RANBP2: variants seen among roughly 807,000 people sequenced by gnomAD.
RANBP2 encodes the protein RAN binding protein 2.
A neutral mutation model predicts 303.6 loss-of-function variants in RANBP2; 57 were observed. The observed-to-expected ratio is 0.19, with a 90% CI of 0.15 to 0.23. The LOEUF is 0.23. Ranked by LOEUF, RANBP2 falls within the 10% of genes least tolerant of loss-of-function variation. RANBP2 has a pLI of 1.00. For missense variants in RANBP2, 3,138 were observed against 3,780.8 expected, an observed-to-expected ratio of 0.83 and a Z score of 4.46; for synonymous variants, 1,167 against 1,301.5, an observed-to-expected ratio of 0.90 and a Z score of 2.23.
the RANBP2 span, among the ~76,000 whole-genome samples, chr2:109,550,357 G>A: frequency 1.1e-4 from 16 of 151,048 alleles, no homozygotes; most frequent in Non-Finnish European, 4.4e-5. Context: ...CTGTTGCCCA[G>A]GCTGGAGTGC....
chr2:108,970,256 T>C, the RANBP2 span, among the ~76,000 whole-genome samples: 9 of 152,094 alleles, frequency 5.9e-5, no homozygotes, highest in Admixed American at 2.6e-4. Context: ...GTGGTACGCA[T>C]TTGAGTTAAA....
the RANBP2 span, among the ~76,000 whole-genome samples, chr2:109,659,241 G>T: frequency 8.0e-4 from 122 of 152,058 alleles, no homozygotes; most frequent in African/African-American, 2.9e-3. Context: ...GCTGGGCGTG[G>T]TGGTGTGTGC....
intron 6 of RANBP2, among the ~76,000 whole-genome samples, chr2:108,740,044 G>A (rs1489755612): frequency 6.6e-6 from 1 of 151,982 alleles, no homozygotes; most frequent in Non-Finnish European, 1.5e-5. Flanking sequence ...AGTAAAAAGA[G>A]CAATTACTGT....
the RANBP2 span, among the ~76,000 whole-genome samples, chr2:109,079,558 C>A: frequency 6.6e-6 from 1 of 152,110 alleles, no homozygotes; most frequent in Non-Finnish European, 1.5e-5. Flanking sequence ...AAAAACAAAC[C>A]AATAAAAAGG....
chr2:109,375,236 G>A, the RANBP2 span, among the ~76,000 whole-genome samples: 1 of 152,170 alleles, frequency 6.6e-6, no homozygotes, highest in Non-Finnish European at 1.5e-5. Context: ...TTCTTCCCAT[G>A]GCTCCAGCCA....
chr2:109,614,334 A>C, the RANBP2 span: 1 of 666,882 alleles, frequency 1.5e-6, no homozygotes, highest in Non-Finnish European at 2.1e-6. Flanking sequence ...GGCGCGGCCC[A>C]GTGAGGCGGT....
chr2:109,250,468 G>T, the RANBP2 span, among the ~76,000 whole-genome samples: 1 of 151,716 alleles, frequency 6.6e-6, no homozygotes, highest in Non-Finnish European at 1.5e-5. Context: ...AACTTACCAG[G>T]TTTAAATATT....
the RANBP2 span, among the ~76,000 whole-genome samples, chr2:109,027,242 C>CAAA: frequency 1.2e-3 from 95 of 81,044 alleles, 1 homozygote; most frequent in South Asian, 3.5e-3. Context: ...GGCTCTGTCT[C>CAAA]AAAAAAAAAA....
Position 108,784,993 on chromosome 2 carries a change from T to C in RANBP2, c.*1092T>C, listed in dbSNP as rs938727961. The stretch of plus-strand genomic sequence containing the variant: ...TGCTAAAGAAAAGAGGATGTTCTTA[T>C]TGGCCTACTCAATATGGAACTACAA... On this transcript the variant is annotated 3_prime_UTR_variant, in exon 29 of 29. Transcript: ENST00000283195. 4 of 152,220 alleles carry C rather than the reference T, an allele frequency of 2.6e-5. No homozygotes were observed. Among genetic ancestry groups the C allele is most frequent in the African/African-American group, 7.2e-5 (3 of 41,460 alleles). The allele number at this position is 152,220 out of a possible 1,614,324, so 9.4% of individuals were successfully genotyped here. A position where few individuals can be genotyped will look rare whatever the true frequency, so the allele number is the denominator to read the frequency against.
At chr2:109,203,420 T>C in the RANBP2 span, among the ~76,000 whole-genome samples, 1 of 152,194 alleles carries the variant, frequency 6.6e-6, no homozygotes, top group East Asian at 1.9e-4. Context: ...GCGCATCACC[T>C]GTGGTCAGGC....
chr2:108,816,151 TA>T, the RANBP2 span: 1 of 1,467,884 alleles, frequency 6.8e-7, no homozygotes, highest in Non-Finnish European at 9.3e-7. Context: ...ATATGAAGAT[TA>T]AAAAAGGAAA....
the RANBP2 span, among the ~76,000 whole-genome samples, chr2:109,205,084 G>A: frequency 1.3e-5 from 2 of 152,158 alleles, no homozygotes; most frequent in Admixed American, 1.3e-4. Flanking sequence ...GTACATGCCT[G>A]TAGTCTCAGC....
chr2:109,388,715 C>A, the RANBP2 span, among the ~76,000 whole-genome samples: 3 of 152,178 alleles, frequency 2.0e-5, no homozygotes, highest in African/African-American at 4.8e-5. Flanking sequence ...TGAAATGAGA[C>A]CCCTGCAAGA....
the RANBP2 span, among the ~76,000 whole-genome samples, chr2:109,021,385 T>C: frequency 1.3e-5 from 2 of 151,530 alleles, no homozygotes; most frequent in Non-Finnish European, 2.9e-5. Context: ...TAGCCGGGCG[T>C]GGTGGTGGGC....
At chr2:109,248,887 TTCCTGTCCTGTCCTG>T in the RANBP2 span, among the ~76,000 whole-genome samples, 63,459 of 145,790 alleles carry the variant, frequency 0.44, 13,758 homozygotes, top group South Asian at 0.46. Context: ...TTCCTGTCCT[TTCCTGTCCTGTCCTG>T]TCCTGTCCTG....
chr2:108,791,205 T>C, the RANBP2 span, among the ~76,000 whole-genome samples: 2 of 152,232 alleles, frequency 1.3e-5, no homozygotes, highest in South Asian at 4.1e-4. Context: ...TTATATTGCT[T>C]TTGAACAATA....
chr2:109,378,784 A>C, the RANBP2 span, among the ~76,000 whole-genome samples: 1 of 152,202 alleles, frequency 6.6e-6, no homozygotes, highest in Non-Finnish European at 1.5e-5. Flanking sequence ...TGGAAGTTGG[A>C]AATGAAAACT....
At chr2:109,326,751 A>T in the RANBP2 span, among the ~76,000 whole-genome samples, 1 of 152,186 alleles carries the variant, frequency 6.6e-6, no homozygotes. Context: ...CCACTGTTCT[A>T]AGTGGTTCTG....
chr2:108,956,389 G>A, the RANBP2 span, among the ~76,000 whole-genome samples: 7 of 152,186 alleles, frequency 4.6e-5, no homozygotes, highest in African/African-American at 1.7e-4. Flanking sequence ...TTTCAGGTAG[G>A]AACTCCATTT....
Sources: gnomAD v4.1 joint callset for allele counts (sites outside exome capture counted in the v4.1 genomes callset) on GRCh38, gnomAD v4.1.1 for gene constraint, MANE v1.5 for transcripts, NCBI Gene and HGNC (gene_info 2026-07-23, HGNC 2026-07-21) for gene names.